GRIA2: variants seen among roughly 807,000 people sequenced by gnomAD.
The protein encoded by GRIA2 is glutamate ionotropic receptor AMPA type subunit 2.
Under a neutral mutation model 97.3 loss-of-function variants are expected in GRIA2, and 14 were observed. The ratio of observed to expected loss-of-function variants is 0.14; its 90% CI spans 0.10 to 0.23. GRIA2 has a LOEUF of 0.23. GRIA2 is among the 10% of genes least tolerant of loss of function. GRIA2 has a pLI of 1.00. For missense variants in GRIA2, 558 were observed against 1,069.8 expected (o/e 0.52, Z 6.67); for synonymous variants, 412 against 387.8 (o/e 1.06, Z -0.73).
intron 2 of GRIA2, among the ~76,000 whole-genome samples, chr4:157,277,999 T>C (rs1732425483): frequency 6.6e-6 from 1 of 150,908 alleles, no homozygotes; most frequent in South Asian, 2.1e-4. Context: ...ATATTCCATA[T>C]TCATGGATAG....
chr4:157,257,314 G>A (rs1010737357), intron 2 of GRIA2, among the ~76,000 whole-genome samples: 26 of 152,006 alleles, frequency 1.7e-4, no homozygotes, highest in Non-Finnish European at 2.9e-4. Flanking sequence ...CGCCCTCTGA[G>A]GTTGTGATTT....
At chr4:157,329,186 T>TA (rs1034149372) in intron 6 of GRIA2, among the ~76,000 whole-genome samples, 2 of 151,802 alleles carry the variant, frequency 1.3e-5, no homozygotes, top group African/African-American at 2.4e-5. Context: ...TTGGTTATCT[T>TA]AAAAAAAACT....
chr4:157,297,432 A>T (rs1733398612), intron 2 of GRIA2, among the ~76,000 whole-genome samples: 1 of 152,276 alleles, frequency 6.6e-6, no homozygotes, highest in South Asian at 2.1e-4. Flanking sequence ...GATGTAGGAA[A>T]GTCATGAGAG....
chr4:157,320,912 T>C (rs943112996), intron 5 of GRIA2, among the ~76,000 whole-genome samples: 1 of 152,104 alleles, frequency 6.6e-6, no homozygotes, highest in Non-Finnish European at 1.5e-5. Context: ...TTCTATAAAA[T>C]TAGCTTCTGG....
intron 2 of GRIA2, among the ~76,000 whole-genome samples, chr4:157,262,832 G>A (rs2126772129): frequency 6.6e-6 from 1 of 152,032 alleles, no homozygotes; most frequent in Non-Finnish European, 1.5e-5. Flanking sequence ...ACTTCTTAGG[G>A]AAACCACTTT....
intron 5 of GRIA2, among the ~76,000 whole-genome samples, chr4:157,319,920 ACCTTACTAC>A (rs1268991138): frequency 2.0e-5 from 3 of 152,066 alleles, no homozygotes; most frequent in Non-Finnish European, 4.4e-5. Flanking sequence ...CATTTCTCCA[ACCTTACTAC>A]CCTTATAGAT....
intron 2 of GRIA2, among the ~76,000 whole-genome samples, chr4:157,300,899 G>A (rs530907442): frequency 2.6e-5 from 4 of 152,194 alleles, no homozygotes; most frequent in Admixed American, 1.3e-4. Context: ...AAAACAAATC[G>A]AAAATGAAAG....
intron 3 of GRIA2, among the ~76,000 whole-genome samples, chr4:157,307,186 A>G (rs1733882419): frequency 6.6e-6 from 1 of 152,156 alleles, no homozygotes; most frequent in African/African-American, 2.4e-5. Context: ...TTCTGCCCTA[A>G]TCATGAACTA....
intron 12 of GRIA2, among the ~76,000 whole-genome samples, chr4:157,345,767 G>A (rs1269893422): frequency 6.6e-6 from 1 of 152,036 alleles, no homozygotes; most frequent in Non-Finnish European, 1.5e-5. Context: ...TGTCTCCTCT[G>A]GGAGGATGAA....
rs937067958 is a variant in GRIA2 at position 157,267,111 on chromosome 4, A to G, written c.230-36441A>G. ...GAAATTTTGAGAATCTAGGAAAAAA[A>G]GGATGCTAGCTTTGTGTTAAAAAAA... On this transcript the variant is annotated intron_variant, in intron 2 of 15. Transcript: ENST00000264426. Among the ~76,000 whole-genome samples, 3 of 152,074 alleles carry G rather than the reference A, an allele frequency of 2.0e-5. 1 individual carries two copies. Among genetic ancestry groups the G allele is most frequent in the Middle Eastern group, 6.8e-3 (2 of 294 alleles).
At chr4:157,304,682 G>A (rs1275363932) in intron 3 of GRIA2, among the ~76,000 whole-genome samples, 6 of 152,122 alleles carry the variant, frequency 3.9e-5, no homozygotes, top group African/African-American at 1.4e-4. Context: ...GTACCATACT[G>A]TGCTTCCCTC....
At chr4:157,248,548 T>TGTGTGTATATATATAC (rs1730839210) in intron 2 of GRIA2, among the ~76,000 whole-genome samples, 1 of 140,552 alleles carries the variant, frequency 7.1e-6, no homozygotes, top group Non-Finnish European at 1.5e-5. Flanking sequence ...TTTATGTGTG[T>TGTGTGTATATATATAC]GTGTGTATAT....
At chr4:157,288,332 G>A (rs1035055555) in intron 2 of GRIA2, among the ~76,000 whole-genome samples, 1 of 151,564 alleles carries the variant, frequency 6.6e-6, no homozygotes, top group Non-Finnish European at 1.5e-5. Flanking sequence ...TACTAACCCT[G>A]TATCAGATAC....
At chr4:157,292,998 T>C (rs1437772660) in intron 2 of GRIA2, among the ~76,000 whole-genome samples, 1 of 152,096 alleles carries the variant, frequency 6.6e-6, no homozygotes, top group Admixed American at 6.6e-5. Context: ...GTTGCCATTA[T>C]TAAAACAAAA....
intron 2 of GRIA2, among the ~76,000 whole-genome samples, chr4:157,260,434 G>T (rs772820896): frequency 4.6e-5 from 7 of 152,062 alleles, no homozygotes; most frequent in Non-Finnish European, 7.4e-5. Context: ...CCCAGATTCT[G>T]CCATCTGAAG....
chr4:157,261,953 C>A (rs1040518210), intron 2 of GRIA2, among the ~76,000 whole-genome samples: 1 of 152,038 alleles, frequency 6.6e-6, no homozygotes, highest in African/African-American at 2.4e-5. Flanking sequence ...TTCCATTATA[C>A]CATGCGCTTT....
chr4:157,303,456 G>A (rs773540224), intron 2 of GRIA2, 96 bp from the exon 3 acceptor site: 5 of 956,442 alleles, frequency 5.2e-6, no homozygotes, highest in Non-Finnish European at 8.0e-6. Context: ...TGTTAATTTT[G>A]TATTTTATGT....
chr4:157,272,167 C>T (rs1732056115), intron 2 of GRIA2, among the ~76,000 whole-genome samples: 1 of 151,904 alleles, frequency 6.6e-6, no homozygotes, highest in Admixed American at 6.6e-5. Flanking sequence ...ATGTTATTTG[C>T]AAATAAGGAA....
chr4:157,256,254 A>ACATATATTACATATAATATATAAT (rs11416827), intron 2 of GRIA2, among the ~76,000 whole-genome samples: 1 of 106,658 alleles, frequency 9.4e-6, no homozygotes, highest in African/African-American at 3.7e-5. Flanking sequence ...ATAATATATA[A>ACATATATTACATATAATATATAAT]ATTATATATT....
Sources: gnomAD v4.1 joint callset for allele counts (sites outside exome capture counted in the v4.1 genomes callset) on GRCh38, gnomAD v4.1.1 for gene constraint, MANE v1.5 for transcripts, NCBI Gene and HGNC (gene_info 2026-07-23, HGNC 2026-07-21) for gene names.